OR2AJ1: variants seen among roughly 807,000 people sequenced by gnomAD.
OR2AJ1 encodes olfactory receptor family 2 subfamily AJ member 1.
For missense variants in OR2AJ1, 280 were observed against 163.2 expected (o/e 1.72, Z -3.90); for synonymous variants, 105 against 60.3 (o/e 1.74, Z -3.44).
intron 1 of OR2AJ1, among the ~76,000 whole-genome samples, chr1:247,930,347 A>T (rs1310275117): frequency 6.6e-6 from 1 of 152,192 alleles, no homozygotes; most frequent in Non-Finnish European, 1.5e-5. Context: ...TAGATAAATT[A>T]AAAAGTATTT....
chr1:247,926,950 G>C (rs1440245077), intron 1 of OR2AJ1, among the ~76,000 whole-genome samples: 1 of 152,180 alleles, frequency 6.6e-6, no homozygotes, highest in African/African-American at 2.4e-5. Context: ...CTTGAGCCAC[G>C]GAGTCATTTC....
chr1:247,928,126 A>G (rs1660112756), intron 1 of OR2AJ1, among the ~76,000 whole-genome samples: 1 of 152,198 alleles, frequency 6.6e-6, no homozygotes, highest in Non-Finnish European at 1.5e-5. Flanking sequence ...TTACATTCCC[A>G]TCAACACTGT....
chr1:247,932,639 A>G (rs1660166883), intron 1 of OR2AJ1, among the ~76,000 whole-genome samples: 1 of 152,142 alleles, frequency 6.6e-6, no homozygotes, highest in Non-Finnish European at 1.5e-5. Context: ...ATGGAAAATA[A>G]TTTTTTAATG....
intron 1 of OR2AJ1, among the ~76,000 whole-genome samples, chr1:247,930,108 AT>A (rs1466400884): frequency 6.6e-6 from 1 of 152,186 alleles, no homozygotes; most frequent in Non-Finnish European, 1.5e-5. Flanking sequence ...TAAGTCTGAT[AT>A]TTTAAGCTTA....
Position 247,934,061 on chromosome 1 carries a change from G to T in OR2AJ1, c.293G>T (p.Gly98Val), listed in dbSNP as rs1248896448. ...GSRTISFAGC[G>V]FQVFLSLTLL... ...AGAACTATTTCATTTGCAGGTTGTG[G>T]GTTCCAGGTATTTCTGTCCCTCACC... Residue 98 changes from glycine to valine, a missense_variant, in exon 2 of 2, where the codon GGG (glycine) becomes GTG (valine). Transcript: ENST00000318244. 2.8e-6 allele frequency: 2 copies of T among 717,554 alleles called. No homozygotes were observed. The highest frequency in any genetic ancestry group is 1.7e-5 in the African/African-American group (1 of 57,220). The allele number at this position is 717,554 out of a possible 1,614,324, so 44.4% of individuals were successfully genotyped here.
intron 1 of OR2AJ1, among the ~76,000 whole-genome samples, chr1:247,927,159 C>T (rs1660100187): frequency 6.6e-6 from 1 of 152,198 alleles, no homozygotes; most frequent in Non-Finnish European, 1.5e-5. Context: ...TGTGGTAGAA[C>T]AGGTAACAGA....
intron 1 of OR2AJ1, among the ~76,000 whole-genome samples, chr1:247,931,487 T>G (rs931051023): frequency 6.6e-6 from 1 of 152,088 alleles, no homozygotes; most frequent in Non-Finnish European, 1.5e-5. Context: ...CCAAGAGATA[T>G]GAAAAAAAGT....
intron 1 of OR2AJ1, among the ~76,000 whole-genome samples, chr1:247,930,754 A>AAC (rs375827157): frequency 7.3e-5 from 11 of 151,556 alleles, no homozygotes; most frequent in African/African-American, 1.2e-4. Context: ...CCCACACCCA[A>AAC]ACACACACAC....
chr1:247,927,186 A>C (rs1660100453), intron 1 of OR2AJ1, among the ~76,000 whole-genome samples: 1 of 152,064 alleles, frequency 6.6e-6, no homozygotes, highest in South Asian at 2.1e-4. Flanking sequence ...TAGCCTGCTA[A>C]CTCCCACACA....
At chr1:247,930,887 T>C (rs1476938464) in intron 1 of OR2AJ1, among the ~76,000 whole-genome samples, 1 of 152,210 alleles carries the variant, frequency 6.6e-6, no homozygotes, top group East Asian at 1.9e-4. Flanking sequence ...TATGCTGGTG[T>C]CACTCTATAT....
At chr1:247,929,964 G>C (rs1660134847) in intron 1 of OR2AJ1, among the ~76,000 whole-genome samples, 1 of 152,086 alleles carries the variant, frequency 6.6e-6, no homozygotes, top group South Asian at 2.1e-4. Flanking sequence ...GTCTGCTCTA[G>C]ATAAAGTAAT....
intron 1 of OR2AJ1, 29 bp from the exon 2 acceptor site, chr1:247,933,718 T>C (rs1444727192): frequency 1.8e-6 from 1 of 556,362 alleles, no homozygotes; most frequent in Non-Finnish European, 3.2e-6. Flanking sequence ...ATATTTTTTC[T>C]TTATTATTAA....
intron 1 of OR2AJ1, among the ~76,000 whole-genome samples, chr1:247,932,888 T>C (rs1029367962): frequency 2.0e-5 from 3 of 152,184 alleles, no homozygotes; most frequent in Non-Finnish European, 2.9e-5. Context: ...ACATATAGAA[T>C]TAATACATTA....
chr1:247,931,158 A>G (rs1469978559), intron 1 of OR2AJ1, among the ~76,000 whole-genome samples: 4 of 152,304 alleles, frequency 2.6e-5, no homozygotes, highest in Admixed American at 2.6e-4. Context: ...ATTAATCTCC[A>G]GGCTTATAGA....
intron 1 of OR2AJ1, 150 bp downstream of exon 1, chr1:247,925,318 C>G (rs1660078717): frequency 6.6e-6 from 1 of 152,212 alleles, no homozygotes. Flanking sequence ...TAAACATAAG[C>G]AGCTAAACTG....
chr1:247,926,428 T>C (rs575834024), intron 1 of OR2AJ1, among the ~76,000 whole-genome samples: 1 of 152,320 alleles, frequency 6.6e-6, no homozygotes, highest in South Asian at 2.1e-4. Context: ...TAGGTTAACT[T>C]GTTATATACC....
chr1:247,934,253 A>G lies in OR2AJ1; in HGVS notation c.485A>G (p.Tyr162Cys). ...GVFNSTVHTAYALQFPFCGSR... is the reference protein window; with the variant it reads ...GVFNSTVHTACALQFPFCGSR... ...TTCAACTCCACAGTCCACACAGCTT[A>G]TGCACTGCAGTTTCCCTTCTGTGGC... The change falls in exon 2 of 2, where the codon TAT (tyrosine) becomes TGT (cysteine). Residue 162 changes from tyrosine (Y) to cysteine (C), a missense_variant. Tyr to Cys is a radical substitution (Grantham distance 194). Transcript: ENST00000318244. 1.4e-6 allele frequency: 1 copy of G among 721,980 alleles called. No individual in the cohort carries two copies. Among genetic ancestry groups the G allele is most frequent in the Non-Finnish European group, 2.6e-6 (1 of 387,674 alleles). The allele number at this position is 721,980 out of a possible 1,614,324, so 44.7% of individuals were successfully genotyped here. A position where few individuals can be genotyped will look rare whatever the true frequency, so the allele number is the denominator to read the frequency against.
At chr1:247,931,230 T>G (rs1461698953) in intron 1 of OR2AJ1, among the ~76,000 whole-genome samples, 2 of 152,310 alleles carry the variant, frequency 1.3e-5, no homozygotes, top group South Asian at 2.1e-4. Context: ...CAAGGTATAC[T>G]TGGAGCTAGA....
At chr1:247,928,582 C>T (rs533239744) in intron 1 of OR2AJ1, among the ~76,000 whole-genome samples, 69 of 151,988 alleles carry the variant, frequency 4.5e-4, no homozygotes, top group Non-Finnish European at 7.2e-4. Context: ...TTTCTGAGAC[C>T]GATGTTGAAG....
Sources: allele counts gnomAD v4.1 joint callset (sites outside exome capture counted in the v4.1 genomes callset), GRCh38; gene constraint gnomAD v4.1.1; transcripts MANE v1.5; gene names NCBI Gene and HGNC (gene_info 2026-07-23, HGNC 2026-07-21).